STK32B: variants seen among roughly 807,000 people sequenced by gnomAD.
STK32B encodes the protein serine/threonine kinase 32B.
Under a neutral mutation model 52.6 loss-of-function variants are expected in STK32B, and 43 were observed. The ratio of observed to expected loss-of-function variants is 0.82; its 90% CI spans 0.64 to 1.05. The LOEUF is 1.05. Ranked by LOEUF, STK32B falls within the 50% of genes least tolerant of loss-of-function variation. The pLI, the probability that STK32B is intolerant of heterozygous loss-of-function variation, is 0.00. For synonymous variants in STK32B, 238 were observed against 204.3 expected, an observed-to-expected ratio of 1.17 and a Z score of -1.41; for missense variants, 621 against 534.6, an observed-to-expected ratio of 1.16 and a Z score of -1.59.
rs533073840 is a variant in STK32B, at chr4:5,127,976, C to T, written c.53-11929C>T. On this transcript the variant is annotated intron_variant, in intron 1 of 11. Transcript: ENST00000282908. ...ATAAGATGTGACTTTGCTCCTCAGT[C>T]ACCTTCCACCATGATTGTGAGGCCT... is the stretch of plus-strand genomic sequence containing the variant. 5.9e-5 allele frequency among the ~76,000 whole-genome samples: 9 copies of T among 152,320 alleles called. No individual in the cohort carries two copies. In the South Asian group the frequency reaches 1.0e-3, roughly 18 times the overall value.
intron 4 of STK32B, among the ~76,000 whole-genome samples, chr4:5,335,707 T>A (rs1732626669): frequency 6.6e-6 from 1 of 152,164 alleles, no homozygotes; most frequent in Non-Finnish European, 1.5e-5. Flanking sequence ...TCAAAGAACA[T>A]CTTTATTTCT....
At chr4:5,193,512 G>A (rs1007838742) in intron 3 of STK32B, among the ~76,000 whole-genome samples, 1 of 152,188 alleles carries the variant, frequency 6.6e-6, no homozygotes, top group African/African-American at 2.4e-5. Flanking sequence ...CCCAGGCGCC[G>A]TGGAAGCCTC....
At chr4:5,232,227 TATTAG>T (rs1273200029) in intron 3 of STK32B, among the ~76,000 whole-genome samples, 2 of 152,196 alleles carry the variant, frequency 1.3e-5, no homozygotes, top group African/African-American at 4.8e-5. Flanking sequence ...GATGATAGTC[TATTAG>T]ATAACATTAT....
intron 6 of STK32B, among the ~76,000 whole-genome samples, chr4:5,444,766 C>T (rs1715228873): frequency 1.3e-5 from 2 of 152,158 alleles, no homozygotes; most frequent in African/African-American, 4.8e-5. Flanking sequence ...CTCACAACAG[C>T]CCAATGAATA....
chr4:5,309,815 G>T (rs189520719), intron 3 of STK32B, among the ~76,000 whole-genome samples: 2 of 152,226 alleles, frequency 1.3e-5, no homozygotes, highest in Admixed American at 1.3e-4. Flanking sequence ...CAGGACATTG[G>T]TCTGAACAAC....
chr4:5,361,708 G>T (rs1338277435), intron 4 of STK32B, among the ~76,000 whole-genome samples: 5 of 152,198 alleles, frequency 3.3e-5, no homozygotes, highest in African/African-American at 1.2e-4. Flanking sequence ...GCTTAAACTG[G>T]ACTAGAATTC....
chr4:5,346,274 C>T (rs977200356), intron 4 of STK32B, among the ~76,000 whole-genome samples: 12 of 152,140 alleles, frequency 7.9e-5, no homozygotes, highest in African/African-American at 2.9e-4. Flanking sequence ...GGTCCTAAGA[C>T]CTTTTTGACA....
chr4:5,384,954 C>T (rs916361738), intron 4 of STK32B, among the ~76,000 whole-genome samples: 10 of 152,022 alleles, frequency 6.6e-5, no homozygotes, highest in Non-Finnish European at 8.8e-5. Flanking sequence ...CCCAGTCACA[C>T]GGTTGTTGCC....
intron 11 of STK32B, among the ~76,000 whole-genome samples, chr4:5,478,629 G>C (rs1718419939): frequency 6.6e-6 from 1 of 152,176 alleles, no homozygotes; most frequent in Non-Finnish European, 1.5e-5. Context: ...TTGTATTAGA[G>C]TCCCAGAGAA....
chr4:5,414,288 A>C (rs1711964280), intron 5 of STK32B, among the ~76,000 whole-genome samples: 1 of 152,024 alleles, frequency 6.6e-6, no homozygotes, highest in Admixed American at 6.6e-5. Flanking sequence ...TGTTTAACAC[A>C]ATATGTAATA....
chr4:5,289,643 C>G (rs540644650), intron 3 of STK32B, among the ~76,000 whole-genome samples: 2 of 150,760 alleles, frequency 1.3e-5, no homozygotes, highest in East Asian at 2.0e-4. Context: ...CTCAGCCTCC[C>G]GAGTAGCTGG....
At chr4:5,484,679 A>G (rs938322327) in intron 11 of STK32B, among the ~76,000 whole-genome samples, 1 of 152,110 alleles carries the variant, frequency 6.6e-6, no homozygotes, top group African/African-American at 2.4e-5. Context: ...GTTTCTTCCT[A>G]GCCTCGATGG....
At chr4:5,024,729 C>T in the STK32B span, among the ~76,000 whole-genome samples, 6 of 152,246 alleles carry the variant, frequency 3.9e-5, no homozygotes, top group Non-Finnish European at 5.9e-5. Context: ...CCATAGGTGC[C>T]TGTTCTGCCC....
At chr4:5,479,505 G>C (rs1718516020) in intron 11 of STK32B, among the ~76,000 whole-genome samples, 1 of 152,202 alleles carries the variant, frequency 6.6e-6, no homozygotes. Context: ...CCAGAAAGCA[G>C]ACCTAAGGCC....
At chr4:5,254,718 A>C (rs1383675069) in intron 3 of STK32B, among the ~76,000 whole-genome samples, 2 of 152,190 alleles carry the variant, frequency 1.3e-5, no homozygotes, top group Non-Finnish European at 2.9e-5. Context: ...TGTAACTAGA[A>C]CATAAACTGT....
intron 3 of STK32B, among the ~76,000 whole-genome samples, chr4:5,246,353 A>C (rs1191542213): frequency 6.6e-6 from 1 of 152,060 alleles, no homozygotes; most frequent in African/African-American, 2.4e-5. Context: ...CCTTTCTTCC[A>C]GTTGATCGCA....
chr4:5,139,908 A>C lies in STK32B; in HGVS notation c.56A>C (p.Asn19Thr), dbSNP rs778226781. ...CCTTTTTTGTTTTCTTTTGCAGTCAACTTTGACCATTTTCAGATTCTGCGG... is the reference window on the plus strand; with the variant it reads ...CCTTTTTTGTTTTCTTTTGCAGTCACCTTTGACCATTTTCAGATTCTGCGG... ...PPVFDENEEV[N>T]FDHFQILRAI... Residue 19 changes from asparagine (N) to threonine (T), a missense_variant, in exon 2 of 12, where the codon AAC becomes ACC. Asn to Thr is a moderately conservative substitution (Grantham distance 65). Coordinates refer to ENST00000282908, the MANE Select transcript of STK32B (RefSeq NM_018401.3). 1.9e-6 allele frequency: 3 copies of C among 1,614,176 alleles called. No individual in the cohort carries two copies. Among genetic ancestry groups the C allele is most frequent in the Non-Finnish European group, 2.5e-6 (3 of 1,180,030 alleles).
At chr4:5,117,070 G>A (rs1222033248) in intron 1 of STK32B, among the ~76,000 whole-genome samples, 2 of 152,086 alleles carry the variant, frequency 1.3e-5, no homozygotes, top group African/African-American at 4.8e-5. Flanking sequence ...CTATATATAA[G>A]ATATATGTCA....
intron 3 of STK32B, among the ~76,000 whole-genome samples, chr4:5,224,039 G>C (rs1440577866): frequency 6.6e-6 from 1 of 152,158 alleles, no homozygotes; most frequent in African/African-American, 2.4e-5. Context: ...ATTTGCTTCA[G>C]AGTAAATCTC....
Sources: gnomAD v4.1 joint callset for allele counts (sites outside exome capture counted in the v4.1 genomes callset) on GRCh38, gnomAD v4.1.1 for gene constraint, MANE v1.5 for transcripts, NCBI Gene and HGNC (gene_info 2026-07-23, HGNC 2026-07-21) for gene names.